PTPRH: variants seen among roughly 807,000 people sequenced by gnomAD.
PTPRH encodes the protein receptor-type tyrosine-protein phosphatase H.
A neutral mutation model predicts 130.2 loss-of-function variants in PTPRH; 113 were observed. The observed-to-expected ratio is 0.87, with a 90% CI of 0.75 to 1.01. The LOEUF is 1.01. Among genes scored for constraint, PTPRH ranks in the 50% least tolerant of loss-of-function variants. The pLI is 0.00. For synonymous variants in PTPRH, 556 were observed against 577.9 expected (o/e 0.96, Z 0.54); for missense variants, 1,430 against 1,425.0 (o/e 1.00, Z -0.06).
In PTPRH at chr19:55,187,524, T is replaced by C. The variant is rs377513130; in HGVS notation, c.2555A>G (p.Asn852Ser). The change falls in exon 14 of 20, where the codon AAT (asparagine) becomes AGT (serine). Residue 852 changes from asparagine to serine, a missense_variant. Physicochemically the swap from Asn to Ser is conservative, Grantham distance 46. Transcript: ENST00000376350. The part of the protein sequence containing the change: ...SENNAKNRYR[N>S]VLPYDWSRVP... ...AACCCGAGACTCACAGGGCAGCACA[T>C]TTCTGTAGCGGTTCTTGGCGTTGTT... is the stretch of plus-strand genomic sequence containing the variant. 6.2e-7 allele frequency: 1 copy of C among 1,611,410 alleles called. No homozygotes were observed. The highest frequency in any genetic ancestry group is 1.3e-5 in the African/African-American group (1 of 74,500).
At chr19:55,197,060 G>C in intron 9 of PTPRH, 57 bp downstream of exon 9, 12 of 1,571,298 alleles carry the variant, frequency 7.6e-6, no homozygotes, top group Non-Finnish European at 1.0e-5. Context: ...CTCTCAGCTC[G>C]CAAGGACTGT....
chr19:55,202,210 C>T lies in PTPRH; in HGVS notation c.999G>A (p.Glu333=). 1 of 1,614,228 alleles carries T rather than the reference C, an allele frequency of 6.2e-7. No homozygotes were observed. Among genetic ancestry groups the T allele is most frequent in the Non-Finnish European group, 8.5e-7 (1 of 1,180,048 alleles). ...PDPQNSTYGV[E]YTGDGGRAGT... ...CTGCTCTGCCACCATCTCCAGTGTA[C>T]TCAACCCCGTAGGTGGAGTTCTGTG... is the stretch of plus-strand genomic sequence containing the variant. The change falls in exon 6 of 20, where the codon GAG becomes GAA. Residue 333 remains glutamate (E), a synonymous_variant. Transcript: ENST00000376350.
intron 10 of PTPRH, among the ~76,000 whole-genome samples, chr19:55,195,637 G>A (rs190860492): frequency 5.3e-5 from 8 of 152,286 alleles, no homozygotes; most frequent in Admixed American, 2.0e-4. Context: ...CAGTGGCCCC[G>A]ATCATAGTTC....
intron 4 of PTPRH, among the ~76,000 whole-genome samples, chr19:55,204,669 ATGGACCACACTT>A (rs2086987443): frequency 6.6e-6 from 1 of 151,110 alleles, no homozygotes; most frequent in Admixed American, 6.6e-5. Context: ...CTGCCCACAC[ATGGACCACACTT>A]TGAGTAACAA....
At chr19:55,184,913 CTG>C (rs1461080502) in intron 18 of PTPRH, among the ~76,000 whole-genome samples, 1 of 152,166 alleles carries the variant, frequency 6.6e-6, no homozygotes. Context: ...TTCTCAGAAT[CTG>C]TGGCCACATC....
chr19:55,201,973 A>G (rs2086876413), intron 6 of PTPRH, 83 bp downstream of exon 6: 6 of 1,567,966 alleles, frequency 3.8e-6, no homozygotes, highest in Non-Finnish European at 5.2e-6. Context: ...CAGAGGGACT[A>G]TGGAATAGAC....
chr19:55,200,438 C>T lies in PTPRH; in HGVS notation c.1218G>A (p.Trp406Ter). Residue 406 changes from tryptophan to a stop codon, truncating the protein, a stop_gained, in exon 7 of 20, where the codon TGG becomes TGA. Coordinates refer to ENST00000376350, the MANE Select transcript of PTPRH (RefSeq NM_002842.5). LOFTEE classifies it high-confidence loss of function. The part of the protein sequence containing the change: ...TQTNSSIALC[W>*]EVPDGPYPQD... The stretch of plus-strand genomic sequence containing the variant: ...GAGGGTATGGGCCATCGGGGACTTC[C>T]CAGCATAGGGCGATGGAGCTGTTGG... 2 of 1,614,150 alleles carry T rather than the reference C, an allele frequency of 1.2e-6. No individual in the cohort carries two copies. The highest frequency in any genetic ancestry group is 3.3e-5 in the Admixed American group (2 of 60,010).
At chr19:55,200,569 C>T in intron 6 of PTPRH, 67 bp from the exon 7 acceptor site, 3 of 1,504,324 alleles carry the variant, frequency 2.0e-6, no homozygotes, top group Non-Finnish European at 9.1e-7. Flanking sequence ...GGAGTGGGCC[C>T]CTCACTGCCC....
intron 10 of PTPRH, chr19:55,194,398 A>G (rs2086627772): frequency 8.8e-7 from 1 of 1,138,012 alleles, no homozygotes; most frequent in African/African-American, 1.6e-5. Flanking sequence ...GAATTGGACT[A>G]GAGGACCTGT....
chr19:55,186,644 C>T, intron 14 of PTPRH, 104 bp from the exon 15 acceptor site: 6 of 436,272 alleles, frequency 1.4e-5, no homozygotes, highest in South Asian at 1.2e-4. Context: ...AAGACCAAGA[C>T]CCATGGACAA....
chr19:55,198,536 G>C, intron 8 of PTPRH, 107 bp downstream of exon 8: 1 of 1,220,844 alleles, frequency 8.2e-7, no homozygotes, highest in Non-Finnish European at 1.1e-6. Flanking sequence ...GGTGAGGCTG[G>C]AGAGGCCCAT....
Position 55,186,368 on chromosome 19 carries a change from G to A in PTPRH, c.2644-9C>T, listed in dbSNP as rs1430675885. On this transcript the variant is annotated splice_polypyrimidine_tract_variant and intron_variant, in intron 15 of 19. Transcript: ENST00000376350. Reference sequence around the variant, plus strand: ...TGGGGGCTCCAGAGACCCTGGTTGAGGAAGGCAGGCGGGTCAGGGGGGCCT... The same window carrying A: ...TGGGGGCTCCAGAGACCCTGGTTGAAGAAGGCAGGCGGGTCAGGGGGGCCT... The A allele has an allele frequency of 8.1e-6, 13 of 1,612,106 alleles. No individual in the cohort carries two copies. In the East Asian group the frequency reaches 2.9e-4, roughly 36 times the overall value.
chr19:55,202,425 C>G, intron 5 of PTPRH, 103 bp from the exon 6 acceptor site: 1 of 1,511,314 alleles, frequency 6.6e-7, no homozygotes, highest in Non-Finnish European at 8.9e-7. Context: ...CAGGGAGGCC[C>G]AGTTCTGCAC....
intron 12 of PTPRH, chr19:55,189,812 C>T (rs1006389887): frequency 4.5e-6 from 2 of 447,538 alleles, no homozygotes; most frequent in Non-Finnish European, 9.0e-6. Flanking sequence ...AAGACCACCC[C>T]CCCGACCTCC....
chr19:55,184,362 A>G (rs2086260171), intron 18 of PTPRH, among the ~76,000 whole-genome samples: 1 of 152,182 alleles, frequency 6.6e-6, no homozygotes, highest in Non-Finnish European at 1.5e-5. Context: ...TGAGACTGTC[A>G]TGAGGAGCAG....
intron 5 of PTPRH, among the ~76,000 whole-genome samples, chr19:55,202,876 T>A (rs575060579): frequency 6.6e-6 from 1 of 151,172 alleles, no homozygotes; most frequent in East Asian, 2.0e-4. Flanking sequence ...CCGTCTCTAC[T>A]AAAAATACAA....
intron 10 of PTPRH, among the ~76,000 whole-genome samples, chr19:55,192,700 C>T (rs1289429020): frequency 1.3e-5 from 2 of 151,080 alleles, no homozygotes; most frequent in African/African-American, 2.4e-5. Context: ...TACCGGTGCC[C>T]GCCACCACTC....
chr19:55,199,355 T>A (rs2086785159), intron 7 of PTPRH, among the ~76,000 whole-genome samples: 1 of 151,584 alleles, frequency 6.6e-6, no homozygotes, highest in Non-Finnish European at 1.5e-5. Flanking sequence ...ACGCCTGTAA[T>A]CCCAACACTT....
chr19:55,187,244 C>A (rs1251416517), intron 14 of PTPRH, among the ~76,000 whole-genome samples: 1 of 141,796 alleles, frequency 7.1e-6, no homozygotes, highest in Non-Finnish European at 1.5e-5. Context: ...ACTCGGGAGG[C>A]TGAGGCAGGA....
Sources: allele counts gnomAD v4.1 joint callset (sites outside exome capture counted in the v4.1 genomes callset), GRCh38; gene constraint gnomAD v4.1.1; transcripts MANE v1.5; gene names NCBI Gene and HGNC (gene_info 2026-07-23, HGNC 2026-07-21).